SH2D4A: variants seen among roughly 807,000 people sequenced by gnomAD.
SH2D4A encodes the protein SH2 domain-containing protein 4A.
Under a neutral mutation model 64.7 loss-of-function variants are expected in SH2D4A, and 70 were observed. The observed-to-expected ratio is 1.08, with a 90% CI of 0.89 to 1.32. The LOEUF is 1.32. Among genes scored for constraint, SH2D4A ranks in the 40% most tolerant of loss-of-function variants. The pLI, the probability that SH2D4A is intolerant of heterozygous loss-of-function variation, is 0.00. For missense variants in SH2D4A, 706 were observed against 540.1 expected (o/e 1.31, Z -3.04); for synonymous variants, 268 against 200.7 (o/e 1.34, Z -2.83).
At chr8:19,362,479 C>G (rs1397172855) in intron 6 of SH2D4A, among the ~76,000 whole-genome samples, 4 of 152,226 alleles carry the variant, frequency 2.6e-5, no homozygotes, top group Admixed American at 2.6e-4. Flanking sequence ...GTGTCTCACT[C>G]CTGTAATCCC....
intron 7 of SH2D4A, 60 bp from the exon 8 acceptor site, chr8:19,373,468 CTT>C: frequency 1.8e-6 from 2 of 1,090,070 alleles, no homozygotes; most frequent in Non-Finnish European, 2.5e-6. Flanking sequence ...ATATATATGA[CTT>C]TTGAGGGCAT....
intron 5 of SH2D4A, chr8:19,360,994 G>A (rs2052874875): frequency 2.9e-6 from 1 of 350,750 alleles, no homozygotes; most frequent in Non-Finnish European, 5.2e-6. Context: ...GTTGCTCCTG[G>A]AGTTACACAC....
At chr8:19,353,570 T>C (rs1563197932) in intron 4 of SH2D4A, among the ~76,000 whole-genome samples, 1 of 151,898 alleles carries the variant, frequency 6.6e-6, no homozygotes, top group East Asian at 1.9e-4. Context: ...GGTTTCACCA[T>C]GTTGGCCAGG....
intron 3 of SH2D4A, 117 bp from the exon 4 acceptor site, chr8:19,334,569 C>A: frequency 9.1e-7 from 1 of 1,104,192 alleles, no homozygotes; most frequent in Non-Finnish European, 1.3e-6. Context: ...GTTAGAAGCA[C>A]TCAGTAAGTG....
intron 2 of SH2D4A, among the ~76,000 whole-genome samples, chr8:19,331,521 G>T (rs375259090): frequency 2.6e-5 from 4 of 152,150 alleles, no homozygotes; most frequent in Admixed American, 2.6e-4. Flanking sequence ...CGATGTGGCC[G>T]CATTTCAGGA....
chr8:19,386,242 T>C (rs2053389582), intron 8 of SH2D4A, among the ~76,000 whole-genome samples: 1 of 152,220 alleles, frequency 6.6e-6, no homozygotes. Flanking sequence ...TTTGTTCAGA[T>C]TGTAAAGCAG....
intron 1 of SH2D4A, among the ~76,000 whole-genome samples, chr8:19,317,303 ATTTT>A (rs761621347): frequency 6.2e-5 from 6 of 97,370 alleles, no homozygotes; most frequent in Non-Finnish European, 1.2e-4. Context: ...CAAGACATCC[ATTTT>A]TTTTTTTTTT....
At chr8:19,386,669 A>G (rs1585211830) in intron 8 of SH2D4A, among the ~76,000 whole-genome samples, 1 of 152,302 alleles carries the variant, frequency 6.6e-6, no homozygotes, top group Non-Finnish European at 1.5e-5. Context: ...GAACCTAAGA[A>G]GAGAGAGTCT....
At chr8:19,355,779 G>A (rs777122428) in intron 4 of SH2D4A, among the ~76,000 whole-genome samples, 1 of 152,094 alleles carries the variant, frequency 6.6e-6, no homozygotes, top group Non-Finnish European at 1.5e-5. Context: ...ATGCATTAGT[G>A]CTCATTAGCG....
At chr8:19,347,636 A>T (rs2052633675) in intron 4 of SH2D4A, among the ~76,000 whole-genome samples, 1 of 152,176 alleles carries the variant, frequency 6.6e-6, no homozygotes. Context: ...ATATCTGCTC[A>T]CTTTTAGATT....
At chr8:19,370,029 G>A (rs543259024) in intron 7 of SH2D4A, among the ~76,000 whole-genome samples, 53 of 151,962 alleles carry the variant, frequency 3.5e-4, no homozygotes, top group Non-Finnish European at 5.9e-4. Context: ...TTCGTCTCAA[G>A]AACATTTTTG....
rs144333981 is a variant in SH2D4A at position 19,313,717 on chromosome 8, G to T, written c.-311G>T. ...AGTATTTGCTCAGCCCGCCTGCGCCGCTTGGGACGCCTCTGCCTTTCCCTC... is the reference window on the plus strand; with the variant it reads ...AGTATTTGCTCAGCCCGCCTGCGCCTCTTGGGACGCCTCTGCCTTTCCCTC... On this transcript the variant is annotated 5_prime_UTR_variant, in exon 1 of 10. Coordinates refer to ENST00000265807, the MANE Select transcript of SH2D4A (RefSeq NM_022071.4). The T allele has an allele frequency of 2.7e-6, 4 of 1,494,274 alleles. No individual in the cohort carries two copies. Among genetic ancestry groups the T allele is most frequent in the Admixed American group, 2.1e-5 (1 of 48,088 alleles). 92.6% of individuals were successfully genotyped at this position (1,494,274 alleles called of 1,614,324 possible).
At chr8:19,385,205 G>GT (rs1337132697) in intron 8 of SH2D4A, among the ~76,000 whole-genome samples, 29 of 138,600 alleles carry the variant, frequency 2.1e-4, no homozygotes, top group South Asian at 7.0e-4. Context: ...CACTTCAGCT[G>GT]TTTTTTTGTT....
At chr8:19,337,676 A>C (rs756599459) in intron 4 of SH2D4A, among the ~76,000 whole-genome samples, 3 of 152,204 alleles carry the variant, frequency 2.0e-5, no homozygotes, top group Non-Finnish European at 4.4e-5. Flanking sequence ...TCACTGTGGA[A>C]GGTGAAAGGC....
In SH2D4A at chr8:19,394,130, A is replaced by G. The variant is rs145049520; in HGVS notation, c.1273-420A>G. Among the ~76,000 whole-genome samples, 152 of 152,308 alleles carry G rather than the reference A, an allele frequency of 1.0e-3. 1 individual carries two copies. The highest frequency in any genetic ancestry group is 3.4e-3 in the African/African-American group (143 of 41,570). ...CTGAGATCCCTCCCATGCACAGTTC[A>G]CAATAAGGTTTGTGTTCCTATGAAA... On this transcript the variant is annotated intron_variant, in intron 9 of 9. Coordinates refer to ENST00000265807, the MANE Select transcript of SH2D4A (RefSeq NM_022071.4).
At chr8:19,393,162 T>A (rs2053521701) in intron 8 of SH2D4A, among the ~76,000 whole-genome samples, 156 bp from the exon 9 acceptor site, 1 of 152,232 alleles carries the variant, frequency 6.6e-6, no homozygotes, top group South Asian at 2.1e-4. Context: ...CAGAAGAATA[T>A]TCCGTATTCC....
intron 8 of SH2D4A, among the ~76,000 whole-genome samples, chr8:19,389,203 C>A (rs1045022417): frequency 6.6e-6 from 1 of 152,154 alleles, no homozygotes; most frequent in Non-Finnish European, 1.5e-5. Context: ...GCAGTCCCTG[C>A]CACTTGGATT....
intron 8 of SH2D4A, among the ~76,000 whole-genome samples, chr8:19,388,485 T>A (rs540799737): frequency 6.6e-6 from 1 of 152,326 alleles, no homozygotes; most frequent in East Asian, 1.9e-4. Flanking sequence ...CCAAATGACC[T>A]TAAGCAGGGT....
chr8:19,342,432 A>T (rs2052543489), intron 4 of SH2D4A, among the ~76,000 whole-genome samples: 1 of 152,364 alleles, frequency 6.6e-6, no homozygotes, highest in Admixed American at 6.5e-5. Context: ...ACACATGGTA[A>T]GAGGATAGCT....
Sources: allele counts gnomAD v4.1 joint callset (sites outside exome capture counted in the v4.1 genomes callset), GRCh38; gene constraint gnomAD v4.1.1; transcripts MANE v1.5; gene names NCBI Gene and HGNC (gene_info 2026-07-23, HGNC 2026-07-21).